Variants in SAAL1 observed in about 807,000 individuals in gnomAD.
The protein encoded by SAAL1 is protein SAAL1.
Under a neutral mutation model 59.8 loss-of-function variants are expected in SAAL1, and 42 were observed. The observed-to-expected ratio is 0.70, with a 90% CI of 0.55 to 0.91. The LOEUF is 0.91. SAAL1 is among the 40% of genes least tolerant of loss of function. The pLI is 0.00. For synonymous variants in SAAL1, 191 were observed against 194.3 expected (o/e 0.98, Z 0.14); for missense variants, 542 against 561.1 (o/e 0.97, Z 0.34).
chr11:18,100,171 A>G (rs1278606484), intron 2 of SAAL1, among the ~76,000 whole-genome samples: 1 of 152,244 alleles, frequency 6.6e-6, no homozygotes, highest in East Asian at 1.9e-4. Context: ...TAGAAAGTAG[A>G]TCTGAACAAT....
intron 7 of SAAL1, among the ~76,000 whole-genome samples, chr11:18,088,161 A>G (rs916920263): frequency 5.3e-5 from 8 of 152,248 alleles, no homozygotes; most frequent in African/African-American, 1.9e-4. Flanking sequence ...ACTGAAACGC[A>G]GAGTACAAGG....
chr11:18,089,955 G>A (rs1848504742), intron 6 of SAAL1, among the ~76,000 whole-genome samples: 1 of 152,110 alleles, frequency 6.6e-6, no homozygotes, highest in African/African-American at 2.4e-5. Flanking sequence ...GAGATTAACA[G>A]AAGGATACCT....
chr11:18,095,263 C>G lies in SAAL1; in HGVS notation c.333+1508G>C, dbSNP rs959660390. Reference sequence around the variant, plus strand: ...TGACTAATTCCTAAAAGGTGCCATTCCTGACATAAGCTTATTTCTTTATAT... The same window carrying G: ...TGACTAATTCCTAAAAGGTGCCATTGCTGACATAAGCTTATTTCTTTATAT... On this transcript the variant is annotated intron_variant, in intron 3 of 11. Transcript: ENST00000524803. Among the ~76,000 whole-genome samples, 7 of 152,126 alleles carry G rather than the reference C, an allele frequency of 4.6e-5. 1 individual carries two copies. Among genetic ancestry groups the G allele is most frequent in the Admixed American group, 1.3e-4 (2 of 15,280 alleles).
Position 18,096,762 on chromosome 11 carries a change from C to T in SAAL1, c.333+9G>A, listed in dbSNP as rs768910812. On this transcript the variant is annotated intron_variant, in intron 3 of 11. Coordinates refer to ENST00000524803, the MANE Select transcript of SAAL1 (RefSeq NM_138421.3). Reference sequence around the variant, plus strand: ...CAAAGAAGAAGGCTTTAGAAATGTACATACTTACTCTTAATCGAGGACACT... The same window carrying T: ...CAAAGAAGAAGGCTTTAGAAATGTATATACTTACTCTTAATCGAGGACACT... The T allele has an allele frequency of 1.5e-6, 2 of 1,357,440 alleles. No homozygotes were observed. The highest frequency in any genetic ancestry group is 2.3e-5 in the South Asian group (2 of 85,502). 84.1% of individuals were successfully genotyped at this position (1,357,440 alleles called of 1,614,324 possible).
intron 7 of SAAL1, among the ~76,000 whole-genome samples, chr11:18,087,669 C>T (rs1295574242): frequency 6.6e-6 from 1 of 152,190 alleles, no homozygotes; most frequent in Non-Finnish European, 1.5e-5. Flanking sequence ...GCTGAGAACA[C>T]TAAAACCATG....
intron 3 of SAAL1, among the ~76,000 whole-genome samples, chr11:18,095,828 GCTTA>G (rs1337203831): frequency 5.9e-5 from 9 of 152,178 alleles, no homozygotes; most frequent in African/African-American, 1.9e-4. Flanking sequence ...ACTACTGAAA[GCTTA>G]CTTACTTACT....
chr11:18,105,900 T>A lies in SAAL1; in HGVS notation c.135+7A>T. The A allele has an allele frequency of 6.3e-7, 1 of 1,593,372 alleles. No individual in the cohort carries two copies. Among genetic ancestry groups the A allele is most frequent in the African/African-American group, 1.3e-5 (1 of 74,610 alleles). On this transcript the variant is annotated splice_region_variant and intron_variant, in intron 1 of 11. Transcript: ENST00000524803. ...GGACACCCCACGCGTGGCGCGAGTT[T>A]CCACACCTGGATGAGTCCGCTGAGG...
chr11:18,101,933 C>A (rs1462854829), intron 2 of SAAL1, among the ~76,000 whole-genome samples: 6 of 151,838 alleles, frequency 4.0e-5, no homozygotes, highest in Non-Finnish European at 8.8e-5. Context: ...ATATAAAACT[C>A]TAGAATACAT....
At chr11:18,081,131 C>T (rs1848405637) in intron 11 of SAAL1, among the ~76,000 whole-genome samples, 1 of 152,102 alleles carries the variant, frequency 6.6e-6, no homozygotes, top group Non-Finnish European at 1.5e-5. Context: ...TTTTTCAGCC[C>T]TTGCCCTCCC....
At chr11:18,095,887 C>G (rs1281685827) in intron 3 of SAAL1, among the ~76,000 whole-genome samples, 1 of 152,114 alleles carries the variant, frequency 6.6e-6, no homozygotes, top group Non-Finnish European at 1.5e-5. Context: ...TTAACAGATG[C>G]AAATACTGAG....
At chr11:18,088,258 A>G (rs1276129213) in intron 7 of SAAL1, among the ~76,000 whole-genome samples, 1 of 151,634 alleles carries the variant, frequency 6.6e-6, no homozygotes, top group Non-Finnish European at 1.5e-5. Flanking sequence ...CCCCTATTTT[A>G]TTTATTTATA....
intron 7 of SAAL1, 25 bp downstream of exon 7, chr11:18,089,305 A>G (rs780067042): frequency 6.5e-7 from 1 of 1,527,822 alleles, no homozygotes; most frequent in South Asian, 1.3e-5. Flanking sequence ...TTCCCAGAAC[A>G]TTTTACACAA....
chr11:18,105,983 A>ACCTCCT lies in SAAL1; in HGVS notation c.53_58dup (p.Glu18_Glu19dup), dbSNP rs3830499. On this transcript the variant is annotated inframe_insertion, in exon 1 of 12. Transcript: ENST00000524803. Reference sequence around the variant, plus strand: ...GCTCCCTATGCAGTCTCCACCGGCCACCTCCTCCTCCTCCTCCTTGTCGCG... The same window carrying ACCTCCT: ...GCTCCCTATGCAGTCTCCACCGGCCACCTCCTCCTCCTCCTCCTCCTCCTTGTCGCG... 7,390 of 1,573,038 alleles carry ACCTCCT rather than the reference A, an allele frequency of 4.7e-3. 280 individuals are homozygous for ACCTCCT. In the East Asian group the frequency reaches 0.13, roughly 28 times the overall value.
chr11:18,087,125 C>T lies in SAAL1; in HGVS notation c.853+18G>A, dbSNP rs1432314803. 6.2e-7 allele frequency: 1 copy of T among 1,605,918 alleles called. No individual in the cohort carries two copies. The highest frequency in any genetic ancestry group is 8.5e-7 in the Non-Finnish European group (1 of 1,172,686). ...AATTAAATGAGTAACTGTAGTGCAT[C>T]CCGATAAACCACCTTACCAATTGCT... On this transcript the variant is annotated intron_variant, in intron 8 of 11. Transcript: ENST00000524803.
intron 1 of SAAL1, among the ~76,000 whole-genome samples, chr11:18,105,180 GT>G (rs1474090569): frequency 6.6e-6 from 1 of 151,712 alleles, no homozygotes; most frequent in Non-Finnish European, 1.5e-5. Context: ...TGCGTTTTTT[GT>G]TTTTTTGAGA....
chr11:18,087,317 C>T lies in SAAL1; in HGVS notation c.771-92G>A, dbSNP rs552382329. Reference sequence around the variant, plus strand: ...CATTCAATAAATATTTATTACTCTGCCAGCCACTGTTCAAGGTGCTGAGGA... The same window carrying T: ...CATTCAATAAATATTTATTACTCTGTCAGCCACTGTTCAAGGTGCTGAGGA... On this transcript the variant is annotated intron_variant, in intron 7 of 11. Transcript: ENST00000524803. 2.7e-4 allele frequency: 213 copies of T among 789,478 alleles called. 1 individual carries two copies. The South Asian group carries it at 3.2e-3, about 12-fold the overall frequency. The allele number at this position is 789,478 out of a possible 1,614,324, so 48.9% of individuals were successfully genotyped here. A position where few individuals can be genotyped will look rare whatever the true frequency, so the allele number is the denominator to read the frequency against.
At chr11:18,091,214 A>T (rs1228531848) in intron 4 of SAAL1, among the ~76,000 whole-genome samples, 1 of 151,868 alleles carries the variant, frequency 6.6e-6, no homozygotes, top group Non-Finnish European at 1.5e-5. Flanking sequence ...AGCTGGTCAC[A>T]GCACATGCAT....
intron 2 of SAAL1, among the ~76,000 whole-genome samples, chr11:18,101,601 A>C: frequency 6.6e-6 from 1 of 152,084 alleles, no homozygotes; most frequent in Admixed American, 6.6e-5. Context: ...TCCTTCATAA[A>C]TTACCCAGTC....
intron 1 of SAAL1, among the ~76,000 whole-genome samples, chr11:18,103,916 T>G (rs1322137108): frequency 6.6e-6 from 1 of 152,210 alleles, no homozygotes; most frequent in Non-Finnish European, 1.5e-5. Flanking sequence ...CATTTATTCC[T>G]TGATTTAACA....
Sources: gnomAD v4.1 joint callset for allele counts (sites outside exome capture counted in the v4.1 genomes callset) on GRCh38, gnomAD v4.1.1 for gene constraint, MANE v1.5 for transcripts, NCBI Gene and HGNC (gene_info 2026-07-23, HGNC 2026-07-21) for gene names.